TMTC2: variants seen among roughly 807,000 people sequenced by gnomAD.
TMTC2 encodes the protein transmembrane O-mannosyltransferase targeting cadherins 2.
A neutral mutation model predicts 82.4 loss-of-function variants in TMTC2; 43 were observed. The ratio of observed to expected loss-of-function variants is 0.52; its 90% CI spans 0.41 to 0.67. The LOEUF (loss-of-function observed/expected upper bound fraction) is 0.67. TMTC2 is among the 30% of genes least tolerant of loss of function. The probability of loss-of-function intolerance (pLI) is 0.00; values close to 1 mark genes in which losing one functional copy is unlikely to be tolerated. For synonymous variants in TMTC2, 408 were observed against 381.9 expected (o/e 1.07, Z -0.80); for missense variants, 919 against 1,012.4 (o/e 0.91, Z 1.25).
At chr12:83,020,162 G>A (rs1880848953) in intron 8 of TMTC2, among the ~76,000 whole-genome samples, 1 of 152,178 alleles carries the variant, frequency 6.6e-6, no homozygotes, top group Non-Finnish European at 1.5e-5. Flanking sequence ...GCCATCGATT[G>A]TGTTTGTCAT....
chr12:82,983,982 A>G (rs1056733616), intron 7 of TMTC2, among the ~76,000 whole-genome samples: 3 of 152,162 alleles, frequency 2.0e-5, no homozygotes, highest in East Asian at 3.9e-4. Flanking sequence ...GCAAGAAAAA[A>G]TCCATCTGAC....
chr12:82,901,301 T>TA (rs61597890), intron 3 of TMTC2, among the ~76,000 whole-genome samples: 21 of 84,152 alleles, frequency 2.5e-4, no homozygotes, highest in African/African-American at 1.5e-3. Flanking sequence ...TATATATATA[T>TA]TTTTTTTTCT....
chr12:83,040,778 G>A (rs1011852209), intron 9 of TMTC2, among the ~76,000 whole-genome samples: 2 of 146,534 alleles, frequency 1.4e-5, no homozygotes, highest in East Asian at 2.2e-4. Flanking sequence ...TCTGCCTCCC[G>A]GGTTCATGCC....
intron 11 of TMTC2, among the ~76,000 whole-genome samples, chr12:83,124,481 C>G (rs985500496): frequency 6.6e-6 from 1 of 151,706 alleles, no homozygotes; most frequent in African/African-American, 2.4e-5. Flanking sequence ...GTAATTCACT[C>G]TGGTAAGTGT....
intron 1 of TMTC2, among the ~76,000 whole-genome samples, chr12:82,849,754 G>A (rs1199915531): frequency 6.6e-6 from 1 of 152,100 alleles, no homozygotes; most frequent in Non-Finnish European, 1.5e-5. Context: ...TTATGACTAA[G>A]AGGCATTTAC....
intron 11 of TMTC2, among the ~76,000 whole-genome samples, chr12:83,082,338 T>A (rs907279835): frequency 6.6e-6 from 1 of 152,158 alleles, no homozygotes; most frequent in African/African-American, 2.4e-5. Flanking sequence ...TGGGTATTTG[T>A]GATGTTCTTA....
intron 11 of TMTC2, among the ~76,000 whole-genome samples, chr12:83,125,416 T>C (rs1885072879): frequency 6.6e-6 from 1 of 152,316 alleles, no homozygotes; most frequent in South Asian, 2.1e-4. Context: ...GTTATGTTAT[T>C]ATCTTATTTT....
intron 10 of TMTC2, among the ~76,000 whole-genome samples, chr12:83,054,098 C>T (rs952375635): frequency 3.3e-5 from 5 of 152,028 alleles, no homozygotes; most frequent in African/African-American, 1.2e-4. Flanking sequence ...CTTTCTCTGA[C>T]TTAGAAATTG....
intron 10 of TMTC2, among the ~76,000 whole-genome samples, chr12:83,056,175 G>A (rs1473343820): frequency 1.3e-5 from 2 of 151,928 alleles, no homozygotes; most frequent in Non-Finnish European, 2.9e-5. Context: ...TTGTAAAGTA[G>A]ACAGAGTCAT....
At chr12:83,122,005 C>A (rs569833649) in intron 11 of TMTC2, among the ~76,000 whole-genome samples, 2 of 152,216 alleles carry the variant, frequency 1.3e-5, no homozygotes, top group Admixed American at 6.5e-5. Flanking sequence ...CCACCATGCC[C>A]CCACCAACAG....
rs1032076512 is a variant in TMTC2 at position 82,947,505 on chromosome 12, G to A, written c.1598+16960G>A. Among the ~76,000 whole-genome samples, 11 of 149,246 alleles carry A rather than the reference G, an allele frequency of 7.4e-5. No homozygotes were observed. The East Asian group carries it at 2.1e-3, about 29-fold the overall frequency. On this transcript the variant is annotated intron_variant, in intron 4 of 11. Transcript: ENST00000321196. ...CTACAGGCGCCCGCCACCATGCCCGGCTAATTTTTTGTATTTTTAGTAGAG... is the reference window on the plus strand; with the variant it reads ...CTACAGGCGCCCGCCACCATGCCCGACTAATTTTTTGTATTTTTAGTAGAG...
chr12:82,767,834 T>C (rs967531163), intron 1 of TMTC2, among the ~76,000 whole-genome samples: 1 of 152,212 alleles, frequency 6.6e-6, no homozygotes. Context: ...AACCATTTCC[T>C]TAAAGAAACC....
At chr12:83,021,592 CTATAAAAAAAAT>C (rs1396279315) in intron 8 of TMTC2, among the ~76,000 whole-genome samples, 1 of 95,126 alleles carries the variant, frequency 1.1e-5, no homozygotes, top group East Asian at 2.9e-4. Flanking sequence ...GAGACCCCAT[CTATAAAAAAAAT>C]TTTTTTTTAA....
chr12:83,038,210 C>T (rs1881745280), intron 9 of TMTC2, among the ~76,000 whole-genome samples: 1 of 151,458 alleles, frequency 6.6e-6, no homozygotes, highest in Non-Finnish European at 1.5e-5. Flanking sequence ...ATGGGTGCAG[C>T]ACACCAACAT....
intron 3 of TMTC2, 98 bp from the exon 4 acceptor site, chr12:82,930,333 T>A: frequency 1.6e-6 from 1 of 622,020 alleles, no homozygotes; most frequent in Non-Finnish European, 2.8e-6. Flanking sequence ...TGTTTTATGA[T>A]GGTTTTCTCT....
chr12:82,770,289 A>G (rs1877217654), intron 1 of TMTC2, among the ~76,000 whole-genome samples: 2 of 152,108 alleles, frequency 1.3e-5, no homozygotes, highest in South Asian at 2.1e-4. Context: ...TGATGATTCA[A>G]TTTGCTTCTG....
At chr12:82,895,617 C>T (rs1271676664) in intron 2 of TMTC2, among the ~76,000 whole-genome samples, 1 of 152,000 alleles carries the variant, frequency 6.6e-6, no homozygotes, top group Non-Finnish European at 1.5e-5. Flanking sequence ...ATACAAACTA[C>T]GATTTCAGAT....
chr12:82,786,459 A>G lies in TMTC2; in HGVS notation c.84-70551A>G, dbSNP rs115559772. Among the ~76,000 whole-genome samples the G allele has an allele frequency of 2.8e-3, 432 of 152,244 alleles. 4 individuals are homozygous for G. Among genetic ancestry groups the G allele is most frequent in the African/African-American group, 0.01 (419 of 41,560 alleles). On this transcript the variant is annotated intron_variant, in intron 1 of 11. Coordinates refer to ENST00000321196, the MANE Select transcript of TMTC2 (RefSeq NM_152588.3). ...TTGTAGTCATTTTATTCACGTTGAC[A>G]TAGAGATCAGTGGTGCTGACTTAAT...
chr12:83,005,445 G>A (rs1411407749), intron 8 of TMTC2, among the ~76,000 whole-genome samples: 1 of 152,012 alleles, frequency 6.6e-6, no homozygotes, highest in Non-Finnish European at 1.5e-5. Context: ...TGGGAGAGAA[G>A]AGATGACCCC....
Sources: allele counts gnomAD v4.1 joint callset (sites outside exome capture counted in the v4.1 genomes callset), GRCh38; gene constraint gnomAD v4.1.1; transcripts MANE v1.5; gene names NCBI Gene and HGNC (gene_info 2026-07-23, HGNC 2026-07-21).